The following FAF2 variants were observed in gnomAD, a reference collection of about 807,000 sequenced individuals.
FAF2 encodes FAS-associated factor 2.
FAF2 carries 9 observed loss-of-function variants against 62.3 expected under a neutral mutation model. The observed-to-expected ratio is 0.14, with a 90% CI of 0.09 to 0.25. The LOEUF (loss-of-function observed/expected upper bound fraction) is 0.25, where lower values mean the gene tolerates loss of function less well. FAF2 is among the 10% of genes least tolerant of loss of function. FAF2 has a pLI of 1.00. For synonymous variants in FAF2, 202 were observed against 198.0 expected (o/e 1.02, Z -0.17); for missense variants, 368 against 556.2 (o/e 0.66, Z 3.40).
chr5:176,509,613 T>G lies in FAF2; in HGVS notation c.*2663T>G, dbSNP rs1337197420. ...CCCTTCTGGTCTTTTCTTCCACTTC[T>G]GCAGAATTTCCTCTAGCAAATACTT... is the stretch of plus-strand genomic sequence containing the variant. On this transcript the variant is annotated 3_prime_UTR_variant, in exon 11 of 11. Transcript: ENST00000261942. 1 of 152,644 alleles carries G rather than the reference T, an allele frequency of 6.6e-6. No homozygotes were observed. The highest frequency in any genetic ancestry group is 2.4e-5 in the African/African-American group (1 of 41,468). The allele number at this position is 152,644 out of a possible 1,614,324, so 9.5% of individuals were successfully genotyped here. A position where few individuals can be genotyped will look rare whatever the true frequency, so the allele number is the denominator to read the frequency against.
intron 2 of FAF2, among the ~76,000 whole-genome samples, chr5:176,485,775 G>A (rs2113736793): frequency 6.6e-6 from 1 of 151,962 alleles, no homozygotes. Context: ...CATTGCCCTG[G>A]CTGGTCTCGA....
chr5:176,487,075 C>G (rs1758885511), intron 3 of FAF2, among the ~76,000 whole-genome samples: 1 of 152,188 alleles, frequency 6.6e-6, no homozygotes, highest in Non-Finnish European at 1.5e-5. Flanking sequence ...ATACTCACCT[C>G]TTATACTTTT....
intron 4 of FAF2, among the ~76,000 whole-genome samples, chr5:176,489,644 T>G (rs1370249713): frequency 6.6e-6 from 1 of 152,136 alleles, no homozygotes; most frequent in East Asian, 1.9e-4. Flanking sequence ...TTCAAGCGAT[T>G]CTCATACCTC....
At chr5:176,451,295 C>T (rs1356350149) in intron 1 of FAF2, among the ~76,000 whole-genome samples, 6 of 152,084 alleles carry the variant, frequency 3.9e-5, no homozygotes, top group African/African-American at 1.4e-4. Context: ...CACTTGAACC[C>T]GGGAGGTGGA....
chr5:176,460,325 C>T (rs1758355999), intron 1 of FAF2, among the ~76,000 whole-genome samples: 1 of 152,110 alleles, frequency 6.6e-6, no homozygotes, highest in East Asian at 1.9e-4. Flanking sequence ...CTGCTTTCCA[C>T]AGTGGCTAAA....
rs544886306 is a variant in FAF2, at chr5:176,449,490, G to A, written c.63+1020G>A. On this transcript the variant is annotated intron_variant, in intron 1 of 10. Coordinates refer to ENST00000261942, the MANE Select transcript of FAF2 (RefSeq NM_014613.3). The stretch of plus-strand genomic sequence containing the variant: ...CTCGGGAGGCTAAGGCAGGAGACTC[G>A]CTTGAACCCGGGAGGCGGAGGTTGC... Among the ~76,000 whole-genome samples, 23 of 152,198 alleles carry A rather than the reference G, an allele frequency of 1.5e-4. No homozygotes were observed. The South Asian group carries it at 4.6e-3, about 30-fold the overall frequency.
intron 1 of FAF2, among the ~76,000 whole-genome samples, chr5:176,452,916 CA>C (rs1340656764): frequency 6.6e-6 from 1 of 152,174 alleles, no homozygotes; most frequent in Non-Finnish European, 1.5e-5. Flanking sequence ...AACAGGATGA[CA>C]CTGCTAGGAG....
rs1755704747 is a variant in FAF2 at position 176,507,391 on chromosome 5, C to T, written c.*441C>T. On this transcript the variant is annotated 3_prime_UTR_variant, in exon 11 of 11. Coordinates refer to ENST00000261942, the MANE Select transcript of FAF2 (RefSeq NM_014613.3). ...TCCTGAGGACTTGCTTCTCCTGCCTCTGGGGAAGAGAGGGAAGAGAAAGCA... is the reference window on the plus strand; with the variant it reads ...TCCTGAGGACTTGCTTCTCCTGCCTTTGGGGAAGAGAGGGAAGAGAAAGCA... 2.3e-6 allele frequency: 1 copy of T among 441,654 alleles called. No homozygotes were observed. Among genetic ancestry groups the T allele is most frequent in the Non-Finnish European group, 4.6e-6 (1 of 219,410 alleles). 27.4% of individuals were successfully genotyped at this position (441,654 alleles called of 1,614,324 possible).
chr5:176,507,569 T>C lies in FAF2; in HGVS notation c.*619T>C, dbSNP rs1326189974. On this transcript the variant is annotated 3_prime_UTR_variant, in exon 11 of 11. Coordinates refer to ENST00000261942, the MANE Select transcript of FAF2 (RefSeq NM_014613.3). ...ATAAAGAGCCAATTCTTTAAACCCA[T>C]GAGTTTATGCCCTGGGCTCCTTAGC... 1 of 162,042 alleles carries C rather than the reference T, an allele frequency of 6.2e-6. No individual in the cohort carries two copies. The allele number at this position is 162,042 out of a possible 1,614,324, so 10.0% of individuals were successfully genotyped here. A position where few individuals can be genotyped will look rare whatever the true frequency, so the allele number is the denominator to read the frequency against.
rs553812018 is a variant in FAF2, at chr5:176,476,552, C to T, written c.64-2636C>T. Among the ~76,000 whole-genome samples the T allele has an allele frequency of 3.7e-4, 56 of 150,166 alleles. 1 individual carries two copies. In the South Asian group the frequency reaches 9.4e-3, roughly 25 times the overall value. ...TAGGAAACAATAGGCACATAAGAGA[C>T]GTAGAAAACAATTTTGGTATTTAGA... On this transcript the variant is annotated intron_variant, in intron 1 of 10. Transcript: ENST00000261942.
At chr5:176,492,080 A>G (rs756553887) in intron 4 of FAF2, 114 bp from the exon 5 acceptor site, 19 of 1,193,844 alleles carry the variant, frequency 1.6e-5, no homozygotes, top group Non-Finnish European at 2.4e-5. Flanking sequence ...CAGACTGTTC[A>G]CCTCCCTTTG....
intron 7 of FAF2, among the ~76,000 whole-genome samples, chr5:176,495,513 T>A (rs1326043108): frequency 1.6e-4 from 2 of 12,884 alleles, no homozygotes; most frequent in African/African-American, 2.1e-3. Context: ...GACACCAATT[T>A]TTTTTTTTTT....
intron 1 of FAF2, among the ~76,000 whole-genome samples, chr5:176,451,727 A>T (rs1201703593): frequency 1.5e-5 from 2 of 135,606 alleles, no homozygotes; most frequent in Non-Finnish European, 3.1e-5. Flanking sequence ...ATATATATAG[A>T]TATATATATA....
At chr5:176,461,888 G>A (rs2113720092) in intron 1 of FAF2, among the ~76,000 whole-genome samples, 1 of 152,304 alleles carries the variant, frequency 6.6e-6, no homozygotes, top group South Asian at 2.1e-4. Context: ...CCAATGTCCA[G>A]AATGATACTA....
chr5:176,494,381 A>T lies in FAF2; in HGVS notation c.661+106A>T. The T allele has an allele frequency of 1.1e-6, 1 of 914,878 alleles. No homozygotes were observed. Among genetic ancestry groups the T allele is most frequent in the Admixed American group, 1.8e-5 (1 of 55,066 alleles). 56.7% of individuals were successfully genotyped at this position (914,878 alleles called of 1,614,324 possible). On this transcript the variant is annotated intron_variant, in intron 7 of 10. Coordinates refer to ENST00000261942, the MANE Select transcript of FAF2 (RefSeq NM_014613.3). The surrounding 1 kb of genome is among the most constrained non-coding windows in gnomAD (Gnocchi z 4.0). ...TACAAGTGTGTTTGTTCTGTGGTAG[A>T]TACGACGCTAGTTGCTATTTTATAT...
At chr5:176,459,917 A>G (rs957215235) in intron 1 of FAF2, among the ~76,000 whole-genome samples, 2 of 151,830 alleles carry the variant, frequency 1.3e-5, no homozygotes, top group African/African-American at 4.8e-5. Context: ...CTCAGTGTCT[A>G]TTGTTCTCAT....
At chr5:176,495,211 T>G (rs1448119154) in intron 7 of FAF2, among the ~76,000 whole-genome samples, 5 of 152,204 alleles carry the variant, frequency 3.3e-5, no homozygotes, top group Non-Finnish European at 5.9e-5. Flanking sequence ...ATCCAGCAAC[T>G]TTTGAGTTTA....
Position 176,494,271 on chromosome 5 carries a change from C to T in FAF2, c.657C>T (p.Tyr219=). ...WACSTNKPEG[Y]RVSQALRENT... ...GCTCTACAAACAAACCTGAGGGATACAGGGGTAAGTTATGTTTCTTCTGCC... is the reference window on the plus strand; with the variant it reads ...GCTCTACAAACAAACCTGAGGGATATAGGGGTAAGTTATGTTTCTTCTGCC... Residue 219 remains tyrosine (Y), a synonymous_variant, in exon 7 of 11, where the codon TAC becomes TAT. Transcript: ENST00000261942. The surrounding 1 kb of genome is among the most constrained non-coding windows in gnomAD (Gnocchi z 4.0). 6.2e-7 allele frequency: 1 copy of T among 1,611,804 alleles called. No homozygotes were observed. The highest frequency in any genetic ancestry group is 8.5e-7 in the Non-Finnish European group (1 of 1,178,438).
In FAF2 at chr5:176,507,614, G is replaced by T. The variant is rs1478215350; in HGVS notation, c.*664G>T. 6.5e-6 allele frequency: 1 copy of T among 153,402 alleles called. No individual in the cohort carries two copies. The highest frequency in any genetic ancestry group is 1.5e-5 in the Non-Finnish European group (1 of 68,688). 9.5% of individuals were successfully genotyped at this position (153,402 alleles called of 1,614,324 possible). A position where few individuals can be genotyped will look rare whatever the true frequency, so the allele number is the denominator to read the frequency against. On this transcript the variant is annotated 3_prime_UTR_variant, in exon 11 of 11. Coordinates refer to ENST00000261942, the MANE Select transcript of FAF2 (RefSeq NM_014613.3). ...CTTAGCCCACAATAGTGTAATAAAAGTGCCCCGGGCTGGTTTGTGCTTATT... is the reference window on the plus strand; with the variant it reads ...CTTAGCCCACAATAGTGTAATAAAATTGCCCCGGGCTGGTTTGTGCTTATT...
Sources: allele counts gnomAD v4.1 joint callset (sites outside exome capture counted in the v4.1 genomes callset), GRCh38; gene constraint gnomAD v4.1.1; non-coding constraint Gnocchi (gnomAD v3.1); transcripts MANE v1.5; gene names NCBI Gene and HGNC (gene_info 2026-07-23, HGNC 2026-07-21).